The following ACO1 variants were observed in gnomAD, a reference collection of about 807,000 sequenced individuals.
ACO1 encodes the protein cytoplasmic aconitate hydratase.
Under a neutral mutation model 105.1 loss-of-function variants are expected in ACO1, and 78 were observed. The ratio of observed to expected loss-of-function variants is 0.74; its 90% CI spans 0.62 to 0.90. The LOEUF (loss-of-function observed/expected upper bound fraction) is 0.90. Ranked by LOEUF, ACO1 falls within the 40% of genes least tolerant of loss-of-function variation. ACO1 has a pLI of 0.00. For synonymous variants in ACO1, 364 were observed against 397.4 expected, an observed-to-expected ratio of 0.92 and a Z score of 1.00; for missense variants, 965 against 1,111.1, an observed-to-expected ratio of 0.87 and a Z score of 1.87.
chr9:32,385,897 G>A (rs1239140529), intron 1 of ACO1, among the ~76,000 whole-genome samples: 1 of 152,210 alleles, frequency 6.6e-6, no homozygotes, highest in African/African-American at 2.4e-5. Context: ...CCTGCTTCTT[G>A]TTTGTGATCC....
intron 5 of ACO1, 22 bp downstream of exon 5, chr9:32,418,219 A>C (rs1299570892): frequency 3.1e-6 from 5 of 1,613,828 alleles, no homozygotes; most frequent in Non-Finnish European, 8.5e-7. Context: ...GTCTGGTTCC[A>C]TTGTTTGGTT....
chr9:32,425,753 A>G (rs1822076343), intron 10 of ACO1, 85 bp from the exon 11 acceptor site: 1 of 932,942 alleles, frequency 1.1e-6, no homozygotes, highest in Non-Finnish European at 1.6e-6. Flanking sequence ...ACTGTTGACT[A>G]TATGTATGTA....
At chr9:32,434,826 C>T in intron 17 of ACO1, 125 bp downstream of exon 17, 1 of 1,165,268 alleles carries the variant, frequency 8.6e-7, no homozygotes, top group Non-Finnish European at 1.2e-6. Flanking sequence ...TGAGGCTTAA[C>T]CCTGGGGTAA....
chr9:32,428,823 A>G (rs951012507), intron 12 of ACO1, among the ~76,000 whole-genome samples: 1 of 151,848 alleles, frequency 6.6e-6, no homozygotes, highest in African/African-American at 2.4e-5. Flanking sequence ...CAGCCTGGGC[A>G]ACAGAGCGAG....
At chr9:32,390,557 G>A (rs139554352) in intron 1 of ACO1, among the ~76,000 whole-genome samples, 32 of 152,252 alleles carry the variant, frequency 2.1e-4, no homozygotes, top group Admixed American at 2.0e-4. Flanking sequence ...TTAGCAATGC[G>A]TAATACAAAG....
rs1822733699 is a variant in ACO1 at position 32,450,283 on chromosome 9, A to G, written c.*172A>G. 2 of 712,184 alleles carry G rather than the reference A, an allele frequency of 2.8e-6. No homozygotes were observed. The highest frequency in any genetic ancestry group is 5.2e-6 in the Non-Finnish European group (2 of 384,776). The allele number at this position is 712,184 out of a possible 1,614,324, so 44.1% of individuals were successfully genotyped here. A position where few individuals can be genotyped will look rare whatever the true frequency, so the allele number is the denominator to read the frequency against. On this transcript the variant is annotated 3_prime_UTR_variant, in exon 21 of 21. Coordinates refer to ENST00000309951, the MANE Select transcript of ACO1 (RefSeq NM_002197.3). ...TGTAGGCACAAAACCAGAAGTTTCT[A>G]CATTCTCTATTTTTGTTAATCATCT...
At chr9:32,430,350 C>T (rs2118510764) in intron 13 of ACO1, 68 bp from the exon 14 acceptor site, 1 of 1,489,074 alleles carries the variant, frequency 6.7e-7, no homozygotes, top group African/African-American at 1.4e-5. Flanking sequence ...AAACTCTTGC[C>T]AATGGTCTGA....
In ACO1 at chr9:32,423,297, T is replaced by C. The variant is rs766723119; in HGVS notation, c.971-22T>C. On this transcript the variant is annotated intron_variant, in intron 8 of 20. Transcript: ENST00000309951. The stretch of plus-strand genomic sequence containing the variant: ...GGAAATACTAACCTATGTTACTTGT[T>C]ACTCCTTAAAATGCCTTTTAGGTCG... 6 of 1,399,780 alleles carry C rather than the reference T, an allele frequency of 4.3e-6. No homozygotes were observed. The South Asian group carries it at 7.6e-5, about 18-fold the overall frequency. 86.7% of individuals were successfully genotyped at this position (1,399,780 alleles called of 1,614,324 possible).
chr9:32,437,650 T>A (rs1448905641), intron 18 of ACO1, among the ~76,000 whole-genome samples: 2 of 152,012 alleles, frequency 1.3e-5, no homozygotes, highest in African/African-American at 2.4e-5. Context: ...TCATCTTAAA[T>A]GAGACAGAAT....
chr9:32,390,304 C>T (rs369087944), intron 1 of ACO1, among the ~76,000 whole-genome samples: 103 of 152,360 alleles, frequency 6.8e-4, no homozygotes, highest in African/African-American at 2.2e-3. Context: ...ACACTTGCTG[C>T]GCTATCCTGT....
chr9:32,444,136 C>T lies in ACO1; in HGVS notation c.2370+3549C>T, dbSNP rs1040326715. 2.0e-5 allele frequency among the ~76,000 whole-genome samples: 3 copies of T among 152,152 alleles called. No homozygotes were observed. In the South Asian group the frequency reaches 6.2e-4, roughly 32 times the overall value. On this transcript the variant is annotated intron_variant, in intron 19 of 20. Transcript: ENST00000309951. ...GTTTCCAGCTTCATCCATGTCCCTGCAAAGGACATGAACTCATCCTTTTTT... is the reference window on the plus strand; with the variant it reads ...GTTTCCAGCTTCATCCATGTCCCTGTAAAGGACATGAACTCATCCTTTTTT...
intron 5 of ACO1, 30 bp from the exon 6 acceptor site, chr9:32,418,298 C>T (rs770259136): frequency 1.9e-6 from 3 of 1,613,420 alleles, no homozygotes; most frequent in Non-Finnish European, 1.7e-6. Context: ...TTCACGCGTT[C>T]ATAGTGTTCT....
chr9:32,408,631 C>G lies in ACO1; in HGVS notation c.384C>G (p.Ile128Met). The G allele has an allele frequency of 6.2e-7, 1 of 1,614,120 alleles. No individual in the cohort carries two copies. Among genetic ancestry groups the G allele is most frequent in the Non-Finnish European group, 8.5e-7 (1 of 1,179,996 alleles). ...CTGATCTTGTAATAGATCATTCCAT[C>G]CAGGTTGATTTCAACAGAAGGTGAG... ...CPADLVIDHS[I>M]QVDFNRRADS... is the part of the protein sequence containing the mutation. The change falls in exon 4 of 21, where the codon ATC becomes ATG. Residue 128 changes from isoleucine to methionine, a missense_variant. Ile to Met is a conservative substitution (Grantham distance 10, BLOSUM62 1). Transcript: ENST00000309951.
chr9:32,422,147 G>A (rs1187281571), intron 8 of ACO1, among the ~76,000 whole-genome samples: 1 of 152,224 alleles, frequency 6.6e-6, no homozygotes, highest in East Asian at 1.9e-4. Flanking sequence ...TAAAAGCTGT[G>A]AGATGGATCT....
chr9:32,393,977 T>C (rs1432693119), intron 1 of ACO1, among the ~76,000 whole-genome samples: 2 of 152,162 alleles, frequency 1.3e-5, no homozygotes, highest in East Asian at 1.9e-4. Context: ...ATCTTAAAGA[T>C]TGCAGCTCAG....
At chr9:32,408,716 T>C (rs1264357545) in intron 4 of ACO1, 65 bp downstream of exon 4, 1 of 1,563,636 alleles carries the variant, frequency 6.4e-7, no homozygotes, top group African/African-American at 1.4e-5. Flanking sequence ...ACGAATCTTT[T>C]TAAAATGTGT....
chr9:32,436,511 A>C (rs1008129674), intron 18 of ACO1, 114 bp downstream of exon 18: 5 of 1,201,758 alleles, frequency 4.2e-6, no homozygotes, highest in Non-Finnish European at 6.0e-6. Context: ...GCTCCATCCT[A>C]CCCTAACTAC....
intron 15 of ACO1, 121 bp from the exon 16 acceptor site, chr9:32,433,607 C>A (rs1027488952): frequency 1.5e-6 from 1 of 688,540 alleles, no homozygotes; most frequent in Non-Finnish European, 2.4e-6. Flanking sequence ...TTGTATGTGG[C>A]TATTGAGAAT....
chr9:32,437,029 TA>T (rs933921042), intron 18 of ACO1, among the ~76,000 whole-genome samples: 6 of 152,228 alleles, frequency 3.9e-5, no homozygotes, highest in African/African-American at 1.4e-4. Context: ...CATAGGTCCT[TA>T]GTGTCACTTC....
Sources: gnomAD v4.1 joint callset for allele counts (sites outside exome capture counted in the v4.1 genomes callset) on GRCh38, gnomAD v4.1.1 for gene constraint, MANE v1.5 for transcripts, NCBI Gene and HGNC (gene_info 2026-07-23, HGNC 2026-07-21) for gene names.